Variants in DYNC2H1 observed in about 807,000 individuals in gnomAD.
DYNC2H1 encodes cytoplasmic dynein 2 heavy chain 1.
A neutral mutation model predicts 570.0 loss-of-function variants in DYNC2H1; 410 were observed. That is an observed-to-expected ratio of 0.72 (90% CI 0.66 to 0.78). The LOEUF is 0.78. DYNC2H1 is among the 30% of genes least tolerant of loss of function. The pLI is 0.00. For missense variants in DYNC2H1, 4,865 were observed against 5,046.4 expected (o/e 0.96, Z 1.09); for synonymous variants, 1,688 against 1,677.6 (o/e 1.01, Z -0.15).
chr11:103,471,580 A>G (rs911478447), intron 88 of DYNC2H1, among the ~76,000 whole-genome samples: 3 of 152,218 alleles, frequency 2.0e-5, no homozygotes, highest in African/African-American at 7.2e-5. Flanking sequence ...TGCTTCATAC[A>G]TGGTAAGTCA....
At chr11:103,282,271 T>C in intron 72 of DYNC2H1, 42 bp downstream of exon 72, 1 of 1,583,550 alleles carries the variant, frequency 6.3e-7, no homozygotes, top group African/African-American at 1.4e-5. Flanking sequence ...TTAAAGAAAA[T>C]ATTTCTGGCT....
chr11:103,349,018 G>T (rs1215480312), intron 82 of DYNC2H1, among the ~76,000 whole-genome samples: 1 of 152,166 alleles, frequency 6.6e-6, no homozygotes, highest in African/African-American at 2.4e-5. Flanking sequence ...CAGTCATGCA[G>T]AACTGTGAGT....
chr11:103,152,099 T>C lies in DYNC2H1; in HGVS notation c.2947-37T>C, dbSNP rs749202189. On this transcript the variant is annotated intron_variant, in intron 20 of 88. Coordinates refer to ENST00000375735, the MANE Select transcript of DYNC2H1 (RefSeq NM_001377.3). ...ATCTTAAGAGATTTGATAAAATAGG[T>C]TGTTATTCAATTTGTTTTTTTTTTT... 2.0e-5 allele frequency: 30 copies of C among 1,476,210 alleles called. 1 individual carries two copies. The East Asian group carries it at 7.2e-4, about 35-fold the overall frequency. The allele number at this position is 1,476,210 out of a possible 1,614,324, so 91.4% of individuals were successfully genotyped here. A position where few individuals can be genotyped will look rare whatever the true frequency, so the allele number is the denominator to read the frequency against.
chr11:103,165,825 C>T (rs1243807237), intron 30 of DYNC2H1, 73 bp from the exon 31 acceptor site: 1 of 1,259,470 alleles, frequency 7.9e-7, no homozygotes, highest in Non-Finnish European at 1.1e-6. Flanking sequence ...AAAAAAGGTG[C>T]CTTTCTTTAA....
chr11:103,225,069 A>G (rs1863750527), intron 59 of DYNC2H1, among the ~76,000 whole-genome samples: 1 of 152,042 alleles, frequency 6.6e-6, no homozygotes, highest in South Asian at 2.1e-4. Context: ...TTGTCTATTC[A>G]TGTTCTTAGC....
At chr11:103,344,396 T>C (rs901016227) in intron 82 of DYNC2H1, among the ~76,000 whole-genome samples, 2 of 152,202 alleles carry the variant, frequency 1.3e-5, no homozygotes, top group African/African-American at 4.8e-5. Flanking sequence ...CAAAGACTTA[T>C]GAGATCCTCC....
rs763310303 is a variant in DYNC2H1 at position 103,154,767 on chromosome 11, A to G, written c.3531A>G (p.Ser1177=). Residue 1177 remains serine, a synonymous_variant, in exon 24 of 89, where the codon TCA becomes TCG. Transcript: ENST00000375735. ...GATTAAGGAAGGTTGAAGAACATTC[A>G]GTGATGACAGTGAAATTACAATCAG... is the stretch of plus-strand genomic sequence containing the variant. ...HDRLRKVEEH[S]VMTVKLQSEV... 1.9e-6 allele frequency: 3 copies of G among 1,558,854 alleles called. No individual in the cohort carries two copies. The South Asian group carries it at 3.6e-5, about 19-fold the overall frequency.
Position 103,117,827 on chromosome 11 carries a change from A to T in DYNC2H1, c.963A>T (p.Pro321=), listed in dbSNP as rs771975812. The T allele has an allele frequency of 6.2e-7, 1 of 1,612,968 alleles. No individual in the cohort carries two copies. The highest frequency in any genetic ancestry group is 1.7e-5 in the Admixed American group (1 of 60,006). ...CATGGAAAAATGAAAAATATTTTCC[A>T]GAAACACTTGACAAACTTGGCAAAC... ...PHPWKNEKYF[P]ETLDKLGKRL... is the part of the protein sequence containing the mutation. Residue 321 remains proline, a synonymous_variant, in exon 6 of 89, where the codon CCA becomes CCT. Transcript: ENST00000375735.
intron 87 of DYNC2H1, among the ~76,000 whole-genome samples, chr11:103,459,719 G>A (rs910290218): frequency 1.3e-5 from 2 of 151,718 alleles, no homozygotes; most frequent in South Asian, 2.1e-4. Context: ...TTGGGAGGCC[G>A]AGGCGGGTGG....
intron 83 of DYNC2H1, among the ~76,000 whole-genome samples, chr11:103,391,376 G>A (rs1942143354): frequency 6.6e-6 from 1 of 152,128 alleles, no homozygotes. Context: ...CTCTACACTG[G>A]TTATTTTAGT....
At chr11:103,141,544 G>C (rs1213070740) in intron 17 of DYNC2H1, among the ~76,000 whole-genome samples, 1 of 152,192 alleles carries the variant, frequency 6.6e-6, no homozygotes, top group Non-Finnish European at 1.5e-5. Context: ...GAATGCTGCT[G>C]TCTGATCCTT....
chr11:103,410,145 C>T (rs550969362), intron 84 of DYNC2H1, among the ~76,000 whole-genome samples: 1 of 152,190 alleles, frequency 6.6e-6, no homozygotes, highest in South Asian at 2.1e-4. Flanking sequence ...CATGTTACAA[C>T]TTATCTCCTC....
At chr11:103,403,540 G>A (rs1942728954) in intron 84 of DYNC2H1, 1 of 152,004 alleles carries the variant, frequency 6.6e-6, no homozygotes, top group Non-Finnish European at 1.5e-5. Context: ...TAAGGGAATT[G>A]ATTCTAGGAC....
chr11:103,426,359 T>C (rs1319138134), intron 84 of DYNC2H1, among the ~76,000 whole-genome samples: 2 of 152,178 alleles, frequency 1.3e-5, no homozygotes, highest in Admixed American at 1.3e-4. Context: ...CTTTAATTCC[T>C]CTAGCCTTGC....
chr11:103,383,114 A>C (rs528947912), intron 83 of DYNC2H1, among the ~76,000 whole-genome samples: 6 of 152,128 alleles, frequency 3.9e-5, no homozygotes, highest in South Asian at 4.2e-4. Flanking sequence ...TGAGGGGGGG[A>C]TTCTTTGGCT....
Position 103,199,774 on chromosome 11 carries a change from G to T in DYNC2H1, c.8089-272G>T, listed in dbSNP as rs1298999926. Among the ~76,000 whole-genome samples the T allele has an allele frequency of 1.3e-5, 2 of 152,076 alleles. No homozygotes were observed. Among genetic ancestry groups the T allele is most frequent in the Non-Finnish European group, 2.9e-5 (2 of 67,996 alleles). On this transcript the variant is annotated intron_variant, in intron 49 of 88. Transcript: ENST00000375735. The surrounding 1 kb of genome is among the most constrained non-coding windows in gnomAD (Gnocchi z 4.6). ...GACATGAATGGTAAACAGAAGGATG[G>T]AATTTACATAGGAAATATATGAGTA...
chr11:103,169,317 A>T (rs923691615), intron 32 of DYNC2H1, among the ~76,000 whole-genome samples: 3 of 152,138 alleles, frequency 2.0e-5, no homozygotes, highest in Admixed American at 1.3e-4. Context: ...GGCAAAAATT[A>T]GTGTTATTTT....
intron 70 of DYNC2H1, among the ~76,000 whole-genome samples, chr11:103,274,765 A>G (rs1425986078): frequency 6.6e-6 from 1 of 152,130 alleles, no homozygotes; most frequent in Non-Finnish European, 1.5e-5. Flanking sequence ...ACAATGGCCA[A>G]TTGCTTAGAT....
intron 82 of DYNC2H1, among the ~76,000 whole-genome samples, chr11:103,339,627 G>A (rs1939338968): frequency 6.9e-6 from 1 of 144,396 alleles, no homozygotes; most frequent in Admixed American, 7.3e-5. Flanking sequence ...TGCGTTGCCT[G>A]GAGTTGGGGG....
Sources: gnomAD v4.1 joint callset for allele counts (sites outside exome capture counted in the v4.1 genomes callset) on GRCh38, gnomAD v4.1.1 for gene constraint, Gnocchi (gnomAD v3.1) non-coding constraint, MANE v1.5 for transcripts, NCBI Gene and HGNC (gene_info 2026-07-23, HGNC 2026-07-21) for gene names.